IQCH: variants seen among roughly 807,000 people sequenced by gnomAD.
The protein encoded by IQCH is IQ motif containing H.
Under a neutral mutation model 117.0 loss-of-function variants are expected in IQCH, and 98 were observed. The observed-to-expected ratio is 0.84, with a 90% CI of 0.71 to 0.99. The LOEUF (loss-of-function observed/expected upper bound fraction) is 0.99, where lower values mean the gene tolerates loss of function less well. Ranked by LOEUF, IQCH falls within the 50% of genes least tolerant of loss-of-function variation. The pLI is 0.00. For synonymous variants in IQCH, 412 were observed against 448.2 expected (o/e 0.92, Z 1.02); for missense variants, 1,102 against 1,243.8 (o/e 0.89, Z 1.72).
chr15:67,444,143 C>T (rs1298295413), intron 16 of IQCH, among the ~76,000 whole-genome samples: 3 of 152,206 alleles, frequency 2.0e-5, no homozygotes, highest in Non-Finnish European at 4.4e-5. Context: ...CCTCAATATG[C>T]TTGTTGAATT....
rs776817688 is a variant in IQCH, at chr15:67,353,721, A to C, written c.638-3624A>C. Among the ~76,000 whole-genome samples, 39 of 152,316 alleles carry C rather than the reference A, an allele frequency of 2.6e-4. 1 individual carries two copies. Among genetic ancestry groups the C allele is most frequent in the Middle Eastern group, 6.8e-3 (2 of 294 alleles). The stretch of plus-strand genomic sequence containing the variant: ...CTCTGACAATAATGATAAAGAAAGG[A>C]AAATAGAAGGCACACGTAAACACTA... On this transcript the variant is annotated intron_variant, in intron 6 of 20. Transcript: ENST00000335894.
rs772320048 is a variant in IQCH at position 67,431,766 on chromosome 15, G to A, written c.2505+10189G>A. ...ATAGTTTTTTAGATTGTAGCCTCTT[G>A]TTTCTTGAGGAGCATGGTGATCTGG... On this transcript the variant is annotated intron_variant, in intron 16 of 20. Transcript: ENST00000335894. The surrounding 1 kb of genome is among the most constrained non-coding windows in gnomAD (Gnocchi z 4.8). Among the ~76,000 whole-genome samples the A allele has an allele frequency of 3.3e-5, 5 of 152,140 alleles. No homozygotes were observed. Among genetic ancestry groups the A allele is most frequent in the Non-Finnish European group, 7.4e-5 (5 of 68,018 alleles).
chr15:67,298,136 C>T (rs562237210), intron 4 of IQCH, among the ~76,000 whole-genome samples: 1 of 152,048 alleles, frequency 6.6e-6, no homozygotes, highest in Admixed American at 6.5e-5. Flanking sequence ...TGGTGAAACC[C>T]CGTCTCTACT....
chr15:67,264,881 C>G (rs1364171477), intron 3 of IQCH, among the ~76,000 whole-genome samples: 1 of 146,988 alleles, frequency 6.8e-6, no homozygotes, highest in African/African-American at 2.4e-5. Context: ...TTCTCTCTCC[C>G]TCCCCTACCA....
rs1008338433 is a variant in IQCH at position 67,384,865 on chromosome 15, G to T, written c.1373-71G>T. On this transcript the variant is annotated intron_variant, in intron 10 of 20. Transcript: ENST00000335894. The surrounding 1 kb of genome is among the most constrained non-coding windows in gnomAD (Gnocchi z 4.3). ...CTGGAAATATGGACTGTGACATTTT[G>T]AAATTCTCTTGTGCCATTTTGCTAT... The T allele has an allele frequency of 5.1e-6, 5 of 982,416 alleles. No individual in the cohort carries two copies. The highest frequency in any genetic ancestry group is 8.1e-6 in the Non-Finnish European group (5 of 614,806). 60.9% of individuals were successfully genotyped at this position (982,416 alleles called of 1,614,324 possible).
rs1365851182 is a variant in IQCH at position 67,494,832 on chromosome 15, G to A, written c.2970+466G>A. 2.0e-5 allele frequency among the ~76,000 whole-genome samples: 3 copies of A among 152,154 alleles called. No individual in the cohort carries two copies. The highest frequency in any genetic ancestry group is 1.9e-4 in the East Asian group (1 of 5,204). ...TAGGGAGAAGCAGAAAATATAGCAT[G>A]TATGTGGGCCATCTACCCCACCCGT... is the stretch of plus-strand genomic sequence containing the variant. On this transcript the variant is annotated intron_variant, in intron 20 of 20. Coordinates refer to ENST00000335894, the MANE Select transcript of IQCH (RefSeq NM_001031715.3). This position sits in a 1 kb window ranked among gnomAD's most constrained non-coding sequence, Gnocchi z 5.5.
intron 14 of IQCH, among the ~76,000 whole-genome samples, chr15:67,412,870 A>T (rs2081484244): frequency 1.3e-5 from 2 of 152,200 alleles, no homozygotes; most frequent in African/African-American, 4.8e-5. Context: ...AAGCTCACTG[A>T]GTGATCTTAC....
rs1971748990 is a variant in IQCH at position 67,403,373 on chromosome 15, G to GT, written c.2097+3070dup. On this transcript the variant is annotated intron_variant, in intron 14 of 20. Transcript: ENST00000335894. This position sits in a 1 kb window ranked among gnomAD's most constrained non-coding sequence, Gnocchi z 4.8. ...CAGATGCTGAAAAGTTGTAGTCACG[G>GT]TTAAAAAAAAATCAGTAGAGACATG... Among the ~76,000 whole-genome samples the GT allele has an allele frequency of 2.0e-5, 3 of 152,020 alleles. No homozygotes were observed. In the South Asian group the frequency reaches 6.2e-4, roughly 32 times the overall value.
intron 15 of IQCH, among the ~76,000 whole-genome samples, chr15:67,418,750 G>A (rs2081644865): frequency 6.6e-6 from 1 of 151,758 alleles, no homozygotes; most frequent in Middle Eastern, 3.2e-3. Flanking sequence ...GCTAATTTTT[G>A]TATTTTTAGT....
rs768972183 is a variant in IQCH, at chr15:67,481,084, T to A, written c.2799+5266T>A. 7.9e-5 allele frequency among the ~76,000 whole-genome samples: 12 copies of A among 152,204 alleles called. No homozygotes were observed. Among genetic ancestry groups the A allele is most frequent in the Non-Finnish European group, 1.6e-4 (11 of 68,032 alleles). ...AACCAAAGCCAATTAAAACTCAGCC[T>A]TGCAATATGAGTCAAATTAAATGTA... On this transcript the variant is annotated intron_variant, in intron 18 of 20. Transcript: ENST00000335894. The surrounding 1 kb of genome is among the most constrained non-coding windows in gnomAD (Gnocchi z 4.1).
Position 67,424,815 on chromosome 15 carries a change from C to A in IQCH, c.2505+3238C>A, listed in dbSNP as rs1305403555. 1.3e-5 allele frequency among the ~76,000 whole-genome samples: 2 copies of A among 152,216 alleles called. No homozygotes were observed. The highest frequency in any genetic ancestry group is 3.8e-4 in the East Asian group (2 of 5,204). On this transcript the variant is annotated intron_variant, in intron 16 of 20. Coordinates refer to ENST00000335894, the MANE Select transcript of IQCH (RefSeq NM_001031715.3). This position sits in a 1 kb window ranked among gnomAD's most constrained non-coding sequence, Gnocchi z 4.9. ...GAATATTGGAAGAAGTTCTCAGTGA[C>A]CACACCAAAGGGTGTTTCTGCATTA...
chr15:67,265,014 A>G lies in IQCH; in HGVS notation c.269+1798A>G, dbSNP rs140116830. On this transcript the variant is annotated intron_variant, in intron 3 of 20. Coordinates refer to ENST00000335894, the MANE Select transcript of IQCH (RefSeq NM_001031715.3). ...TCAAAGGATCAAGCATACAAGCAGC[A>G]AGTAAGAAAGCCTCAGAATGGAAGG... Among the ~76,000 whole-genome samples the G allele has an allele frequency of 5.1e-4, 78 of 152,308 alleles. No individual in the cohort carries two copies. The East Asian group carries it at 0.012, about 24-fold the overall frequency.
At chr15:67,448,015 T>C (rs1228507932) in intron 16 of IQCH, among the ~76,000 whole-genome samples, 1 of 152,210 alleles carries the variant, frequency 6.6e-6, no homozygotes, top group Non-Finnish European at 1.5e-5. Context: ...TTTTAAGGTT[T>C]AGACTAATAC....
In IQCH at chr15:67,395,681, G is replaced by A; in HGVS notation, c.1905+118G>A. The stretch of plus-strand genomic sequence containing the variant: ...CCAATGAAGAATAGGTGGAATATTT[G>A]AGTTGATTTGAGGGAATCTACTTTA... On this transcript the variant is annotated intron_variant, in intron 13 of 20. Transcript: ENST00000335894. This position sits in a 1 kb window ranked among gnomAD's most constrained non-coding sequence, Gnocchi z 4.0. 1.5e-6 allele frequency: 1 copy of A among 656,806 alleles called. No individual in the cohort carries two copies. The highest frequency in any genetic ancestry group is 2.7e-5 in the East Asian group (1 of 36,698). 40.7% of individuals were successfully genotyped at this position (656,806 alleles called of 1,614,324 possible).
At chr15:67,267,534 G>A (rs377457632) in intron 3 of IQCH, among the ~76,000 whole-genome samples, 1 of 152,214 alleles carries the variant, frequency 6.6e-6, no homozygotes, top group Admixed American at 6.5e-5. Flanking sequence ...TGCTATGAAC[G>A]ATTGGAGTGC....
intron 4 of IQCH, among the ~76,000 whole-genome samples, chr15:67,334,102 T>TA (rs1968787617): frequency 6.6e-6 from 1 of 152,096 alleles, no homozygotes; most frequent in Non-Finnish European, 1.5e-5. Context: ...CATCAAGTGA[T>TA]AAAGTTCTGA....
intron 16 of IQCH, among the ~76,000 whole-genome samples, chr15:67,428,774 G>A (rs146999150): frequency 2.3e-3 from 342 of 151,842 alleles, no homozygotes; most frequent in African/African-American, 7.9e-3. Flanking sequence ...GCTTGAACCC[G>A]GGTGGTGGAG....
At chr15:67,261,517 C>A in intron 2 of IQCH, 123 bp downstream of exon 2, 1 of 721,800 alleles carries the variant, frequency 1.4e-6, no homozygotes. Flanking sequence ...GGGCAGTCGT[C>A]AGCATTCTTG....
intron 18 of IQCH, among the ~76,000 whole-genome samples, chr15:67,478,036 G>T (rs535307308): frequency 6.6e-6 from 1 of 152,192 alleles, no homozygotes; most frequent in African/African-American, 2.4e-5. Flanking sequence ...GGTGGATGGC[G>T]CAGAGGAGAA....
Sources: allele counts gnomAD v4.1 joint callset (sites outside exome capture counted in the v4.1 genomes callset), GRCh38; gene constraint gnomAD v4.1.1; non-coding constraint Gnocchi (gnomAD v3.1); transcripts MANE v1.5; gene names NCBI Gene and HGNC (gene_info 2026-07-23, HGNC 2026-07-21).